EBF3: variants seen among roughly 807,000 people sequenced by gnomAD.
The protein encoded by EBF3 is EBF transcription factor 3.
In EBF3, 18 loss-of-function variants were observed where a neutral mutation model predicts 77.1. That is an observed-to-expected ratio of 0.23 (90% CI 0.16 to 0.35). The LOEUF is 0.35. Among genes scored for constraint, EBF3 ranks in the 10% least tolerant of loss-of-function variants. The probability of loss-of-function intolerance (pLI) is 1.00; values close to 1 mark genes in which losing one functional copy is unlikely to be tolerated. For missense variants in EBF3, 558 were observed against 860.0 expected (o/e 0.65, Z 4.39); for synonymous variants, 350 against 343.5 (o/e 1.02, Z -0.21).
At chr10:129,839,384 G>C (rs773783392) in intron 15 of EBF3, among the ~76,000 whole-genome samples, 189 bp from the exon 16 acceptor site, 1 of 152,228 alleles carries the variant, frequency 6.6e-6, no homozygotes, top group Non-Finnish European at 1.5e-5. Context: ...AAGTTCATGA[G>C]GCCTGGGGGC....
At chr10:129,868,616 G>T (rs1320239274) in intron 8 of EBF3, among the ~76,000 whole-genome samples, 5 of 152,106 alleles carry the variant, frequency 3.3e-5, no homozygotes, top group Non-Finnish European at 5.9e-5. Flanking sequence ...GGCGGGAGGG[G>T]TTGGGGGCAC....
Position 129,963,407 on chromosome 10 carries a change from A to C in EBF3, c.251T>G (p.Ile84Ser), listed in dbSNP as rs774611813. The C allele has an allele frequency of 6.3e-7, 1 of 1,591,162 alleles. No individual in the cohort carries two copies. The highest frequency in any genetic ancestry group is 8.6e-7 in the Non-Finnish European group (1 of 1,168,658). ...AAAGTCCACAAAAGCGGTCCTTTCA[A>C]TCTCCACCGGCTGCCCCTGCCTATC... The part of the protein sequence containing the change: ...LYDRQGQPVE[I>S]ERTAFVDFVE... Residue 84 changes from isoleucine (I) to serine (S), a missense_variant, in exon 2 of 17, where the codon ATT (isoleucine) becomes AGT (serine). Coordinates refer to ENST00000440978, the MANE Select transcript of EBF3 (RefSeq NM_001375380.1). This position sits in a 1 kb window ranked among gnomAD's most constrained non-coding sequence, Gnocchi z 7.1.
rs1371614326 is a variant in EBF3, at chr10:129,963,319, C to T, written c.291+48G>A. On this transcript the variant is annotated intron_variant, in intron 2 of 16. Transcript: ENST00000440978. This position sits in a 1 kb window ranked among gnomAD's most constrained non-coding sequence, Gnocchi z 7.1. Reference sequence around the variant, plus strand: ...ACCCCCGCGCACCGGCACCGCCTGCCTCCCGCTTCTAGAAAGAGAGAGGGT... The same window carrying T: ...ACCCCCGCGCACCGGCACCGCCTGCTTCCCGCTTCTAGAAAGAGAGAGGGT... The T allele has an allele frequency of 1.9e-6, 3 of 1,551,778 alleles. No individual in the cohort carries two copies. The highest frequency in any genetic ancestry group is 5.3e-5 in the East Asian group (2 of 37,852).
intron 10 of EBF3, among the ~76,000 whole-genome samples, chr10:129,851,721 A>G (rs891980229): frequency 4.6e-5 from 7 of 152,168 alleles, no homozygotes; most frequent in African/African-American, 1.7e-4. Flanking sequence ...AGATGAATGT[A>G]TGTGTGAAAT....
At chr10:129,891,106 G>A (rs184401886) in intron 6 of EBF3, among the ~76,000 whole-genome samples, 3 of 152,158 alleles carry the variant, frequency 2.0e-5, no homozygotes, top group Non-Finnish European at 4.4e-5. Context: ...CATCTAAATG[G>A]AAATCACCTT....
At chr10:129,889,523 C>T (rs1853861111) in intron 6 of EBF3, among the ~76,000 whole-genome samples, 1 of 152,194 alleles carries the variant, frequency 6.6e-6, no homozygotes, top group South Asian at 2.1e-4. Context: ...CCACCTGCTC[C>T]CCAAACTCTG....
chr10:129,876,709 C>T (rs561717492), intron 7 of EBF3, among the ~76,000 whole-genome samples: 123 of 152,264 alleles, frequency 8.1e-4, no homozygotes, highest in African/African-American at 2.7e-3. Flanking sequence ...TTCCATTAGC[C>T]GCCAAATTCT....
At chr10:129,873,408 A>G (rs1284302579) in intron 8 of EBF3, 44 bp downstream of exon 8, 13 of 1,470,428 alleles carry the variant, frequency 8.8e-6, no homozygotes, top group Non-Finnish European at 1.2e-5. Flanking sequence ...GTGCAAAGAA[A>G]AAGAAGCATC....
intron 7 of EBF3, among the ~76,000 whole-genome samples, chr10:129,876,874 T>G (rs898411604): frequency 7.5e-6 from 1 of 133,912 alleles, no homozygotes; most frequent in African/African-American, 2.8e-5. Flanking sequence ...TCTATCATAA[T>G]TCATCCCTGA....
intron 6 of EBF3, among the ~76,000 whole-genome samples, chr10:129,949,547 G>GT (rs991369316): frequency 1.3e-4 from 20 of 152,316 alleles, no homozygotes; most frequent in African/African-American, 4.8e-4. Flanking sequence ...ACTGCCCAGA[G>GT]TTGGGGTGAC....
At chr10:129,953,385 C>T (rs1858814731) in intron 6 of EBF3, among the ~76,000 whole-genome samples, 1 of 152,030 alleles carries the variant, frequency 6.6e-6, no homozygotes. Flanking sequence ...TATGACAAAA[C>T]TTCATCCTCC....
chr10:129,841,044 C>A lies in EBF3; in HGVS notation c.1373-12G>T. The A allele has an allele frequency of 6.3e-7, 1 of 1,599,486 alleles. No homozygotes were observed. ...GCGACTGTAGCCGACTGTTGAAATC[C>A]CCCCCCCGGCCAAAAATAACATTAT... On this transcript the variant is annotated splice_polypyrimidine_tract_variant and intron_variant, in intron 13 of 16. Coordinates refer to ENST00000440978, the MANE Select transcript of EBF3 (RefSeq NM_001375380.1). This position sits in a 1 kb window ranked among gnomAD's most constrained non-coding sequence, Gnocchi z 4.6.
chr10:129,906,484 G>A (rs185324937), intron 6 of EBF3, among the ~76,000 whole-genome samples: 290 of 152,318 alleles, frequency 1.9e-3, no homozygotes, highest in African/African-American at 6.6e-3. Context: ...AGGGGGCTCT[G>A]TTTGGACCCT....
chr10:129,916,354 T>A (rs1804671471), intron 6 of EBF3, among the ~76,000 whole-genome samples: 1 of 152,362 alleles, frequency 6.6e-6, no homozygotes, highest in East Asian at 1.9e-4. Context: ...AGTCTCTCTC[T>A]GTCCACCACC....
chr10:129,908,328 G>A (rs1855285766), intron 6 of EBF3, among the ~76,000 whole-genome samples: 1 of 152,206 alleles, frequency 6.6e-6, no homozygotes, highest in Non-Finnish European at 1.5e-5. Context: ...CTCAGATAAA[G>A]TGGACAATTA....
intron 4 of EBF3, 43 bp downstream of exon 4, chr10:129,962,128 G>A (rs1859571329): frequency 1.1e-5 from 18 of 1,608,678 alleles, no homozygotes; most frequent in Non-Finnish European, 1.5e-5. Flanking sequence ...GGACAACCCA[G>A]GCCCAGCAGT....
At chr10:129,960,757 GCCT>G (rs1288995369) in intron 4 of EBF3, among the ~76,000 whole-genome samples, 2 of 151,066 alleles carry the variant, frequency 1.3e-5, no homozygotes, top group Non-Finnish European at 2.9e-5. Context: ...TTAAAACGAA[GCCT>G]CCTCCTCCTC....
intron 6 of EBF3, among the ~76,000 whole-genome samples, chr10:129,902,075 G>A (rs1236876099): frequency 6.6e-6 from 1 of 152,088 alleles, no homozygotes; most frequent in East Asian, 1.9e-4. Context: ...GCCTACTAGG[G>A]GAGCAACATG....
rs1391228513 is a variant in EBF3, at chr10:129,864,435, A to T, written c.1039+2706T>A. 6.6e-6 allele frequency among the ~76,000 whole-genome samples: 1 copy of T among 152,192 alleles called. No individual in the cohort carries two copies. Reference sequence around the variant, plus strand: ...GCACTGGGGACAGAATCCCCAGGAGACAGCAGGCAAAGTGCAAAGAAAGGA... The same window carrying T: ...GCACTGGGGACAGAATCCCCAGGAGTCAGCAGGCAAAGTGCAAAGAAAGGA... On this transcript the variant is annotated intron_variant, in intron 10 of 16. Coordinates refer to ENST00000440978, the MANE Select transcript of EBF3 (RefSeq NM_001375380.1). This position sits in a 1 kb window ranked among gnomAD's most constrained non-coding sequence, Gnocchi z 4.4.
Sources: gnomAD v4.1 joint callset for allele counts (sites outside exome capture counted in the v4.1 genomes callset) on GRCh38, gnomAD v4.1.1 for gene constraint, Gnocchi (gnomAD v3.1) non-coding constraint, MANE v1.5 for transcripts, NCBI Gene and HGNC (gene_info 2026-07-23, HGNC 2026-07-21) for gene names.